TDRP: variants seen among roughly 807,000 people sequenced by gnomAD.
The protein encoded by TDRP is testis development related protein, also known as testis development-related protein.
TDRP carries 12 observed loss-of-function variants against 10.5 expected under a neutral mutation model. That is an observed-to-expected ratio of 1.15 (90% CI 0.73 to 1.86). The LOEUF (loss-of-function observed/expected upper bound fraction) is 1.86, where lower values mean the gene tolerates loss of function less well. TDRP is among the 40% of genes most tolerant of loss of function. The pLI is 0.00. For synonymous variants in TDRP, 139 were observed against 95.4 expected, an observed-to-expected ratio of 1.46 and a Z score of -2.67; for missense variants, 353 against 229.2, an observed-to-expected ratio of 1.54 and a Z score of -3.49.
chr8:519,361 T>G (rs1465205023), intron 1 of TDRP, among the ~76,000 whole-genome samples: 1 of 152,084 alleles, frequency 6.6e-6, no homozygotes, highest in Non-Finnish European at 1.5e-5. Context: ...TTCTGTAAAC[T>G]ATTGGACATG....
intron 1 of TDRP, among the ~76,000 whole-genome samples, chr8:528,109 G>C (rs1431369485): frequency 6.6e-6 from 1 of 152,120 alleles, no homozygotes; most frequent in African/African-American, 2.4e-5. Context: ...GACCTGAGTA[G>C]ACATTTTCCA....
rs183821343 is a variant in TDRP, at chr8:528,655, G to A, written c.108+15995C>T. On this transcript the variant is annotated intron_variant, in intron 1 of 2. Transcript: ENST00000324079. ...TAATTGGATTGTTTGTAACACAAAG[G>A]ATAAATGCATAAAGTGATGGATACC... is the stretch of plus-strand genomic sequence containing the variant. 1.9e-4 allele frequency among the ~76,000 whole-genome samples: 25 copies of A among 131,052 alleles called. 1 individual carries two copies. The East Asian group carries it at 6.2e-3, about 32-fold the overall frequency. 86.0% of individuals were successfully genotyped at this position (131,052 alleles called of 152,430 possible). A position where few individuals can be genotyped will look rare whatever the true frequency, so the allele number is the denominator to read the frequency against.
intron 1 of TDRP, among the ~76,000 whole-genome samples, chr8:525,309 A>G (rs556006334): frequency 2.8e-5 from 4 of 140,724 alleles, no homozygotes; most frequent in African/African-American, 9.8e-5. Context: ...AAGAAATGTT[A>G]AAGGGAATTC....
At chr8:494,232 A>G (rs1479625740) in intron 2 of TDRP, among the ~76,000 whole-genome samples, 1 of 151,822 alleles carries the variant, frequency 6.6e-6, no homozygotes, top group Non-Finnish European at 1.5e-5. Context: ...AAGTGCTGGG[A>G]TTACAGGCAT....
At chr8:516,021 TA>T (rs1324906263) in intron 1 of TDRP, among the ~76,000 whole-genome samples, 1 of 152,166 alleles carries the variant, frequency 6.6e-6, no homozygotes, top group Non-Finnish European at 1.5e-5. Flanking sequence ...CAAGTTTCCT[TA>T]AAAATTACAT....
At chr8:506,598 G>C (rs1801471724) in intron 1 of TDRP, among the ~76,000 whole-genome samples, 1 of 152,188 alleles carries the variant, frequency 6.6e-6, no homozygotes, top group Non-Finnish European at 1.5e-5. Flanking sequence ...GGCTCGAGAG[G>C]TGACGGTTCC....
chr8:521,246 C>CAAAAAAAAAAAAA (rs57263869), intron 1 of TDRP, among the ~76,000 whole-genome samples: 20 of 84,350 alleles, frequency 2.4e-4, no homozygotes, highest in East Asian at 4.4e-4. Flanking sequence ...ACTAAAAATC[C>CAAAAAAAAAAAAA]AAAAAAAAAA....
chr8:531,232 G>A (rs1802186963), intron 1 of TDRP, among the ~76,000 whole-genome samples: 1 of 152,086 alleles, frequency 6.6e-6, no homozygotes, highest in South Asian at 2.1e-4. Flanking sequence ...CTGGGGTACT[G>A]TGACTTCTAA....
intron 1 of TDRP, among the ~76,000 whole-genome samples, chr8:520,057 A>C (rs533849188): frequency 2.2e-4 from 33 of 152,360 alleles, no homozygotes; most frequent in African/African-American, 7.7e-4. Flanking sequence ...TTCAAAATGA[A>C]AGGAAACACA....
At chr8:508,392 T>C (rs938511835) in intron 1 of TDRP, among the ~76,000 whole-genome samples, 1 of 152,190 alleles carries the variant, frequency 6.6e-6, no homozygotes, top group African/African-American at 2.4e-5. Flanking sequence ...AGCAGTTTAA[T>C]TGACTCAGTT....
intron 1 of TDRP, among the ~76,000 whole-genome samples, chr8:512,459 T>C (rs1189508867): frequency 1.3e-5 from 2 of 151,606 alleles, no homozygotes; most frequent in Non-Finnish European, 2.9e-5. Flanking sequence ...ATCAGCAAAA[T>C]TGATAAATCT....
chr8:507,517 T>A (rs559385901), intron 1 of TDRP, among the ~76,000 whole-genome samples: 1 of 152,232 alleles, frequency 6.6e-6, no homozygotes, highest in African/African-American at 2.4e-5. Context: ...CAGCAATTAC[T>A]GGAATTTAGC....
At chr8:544,497 G>T (rs1245043522) in intron 1 of TDRP, among the ~76,000 whole-genome samples, 153 bp downstream of exon 1, 12 of 152,006 alleles carry the variant, frequency 7.9e-5, no homozygotes, top group Non-Finnish European at 2.9e-5. Flanking sequence ...GGCACCTAGC[G>T]GGCCGCGCCC....
rs142386930 is a variant in TDRP at position 509,322 on chromosome 8, C to A, written c.109-14725G>T. Among the ~76,000 whole-genome samples the A allele has an allele frequency of 1.6e-4, 24 of 152,322 alleles. 1 individual carries two copies. In the East Asian group the frequency reaches 4.3e-3, roughly 27 times the overall value. On this transcript the variant is annotated intron_variant, in intron 1 of 2. Coordinates refer to ENST00000324079, the MANE Select transcript of TDRP (RefSeq NM_001384899.1). ...ACCCCACATTTCCCTTCCATACTGG[C>A]CCAGCAGAGGTTCTCCATGAGTGCT...
intron 2 of TDRP, 117 bp downstream of exon 2, chr8:494,377 G>T (rs1013602889): frequency 5.4e-6 from 5 of 924,578 alleles, no homozygotes; most frequent in Non-Finnish European, 8.3e-6. Flanking sequence ...TGGACTCGCC[G>T]CGCCCCACAA....
intron 1 of TDRP, among the ~76,000 whole-genome samples, chr8:512,833 A>T (rs1801654283): frequency 6.7e-6 from 1 of 148,284 alleles, no homozygotes; most frequent in African/African-American, 2.6e-5. Context: ...TTAGCTGGGC[A>T]TGGTGGCATG....
At chr8:496,388 G>A (rs1342510262) in intron 1 of TDRP, among the ~76,000 whole-genome samples, 2 of 152,214 alleles carry the variant, frequency 1.3e-5, no homozygotes, top group African/African-American at 2.4e-5. Context: ...ACCATGTGCA[G>A]TCACTATGTG....
At position 526,516 on chromosome 8, in the gene TDRP, G is replaced by T. The variant is rs184349441; in HGVS notation, c.108+18134C>A. 1.5e-4 allele frequency among the ~76,000 whole-genome samples: 23 copies of T among 152,178 alleles called. No homozygotes were observed. In the East Asian group the frequency reaches 4.4e-3, roughly 29 times the overall value. On this transcript the variant is annotated intron_variant, in intron 1 of 2. Transcript: ENST00000324079. ...TTGTGTTGATATGATGTATCACGTT[G>T]GTTGATTTGCATATACTGAACCATC... is the stretch of plus-strand genomic sequence containing the variant.
chr8:527,659 G>A (rs895275385), intron 1 of TDRP, among the ~76,000 whole-genome samples: 2 of 152,076 alleles, frequency 1.3e-5, no homozygotes, highest in African/African-American at 4.8e-5. Context: ...TTGGGAAAAG[G>A]ACAATCTCTT....
Sources: allele counts gnomAD v4.1 joint callset (sites outside exome capture counted in the v4.1 genomes callset), GRCh38; gene constraint gnomAD v4.1.1; transcripts MANE v1.5; gene names NCBI Gene and HGNC (gene_info 2026-07-23, HGNC 2026-07-21).